CSF2RA: variants seen among roughly 807,000 people sequenced by gnomAD.
The protein encoded by CSF2RA is granulocyte-macrophage colony-stimulating factor receptor subunit alpha.
In CSF2RA, 42 loss-of-function variants were observed where a neutral mutation model predicts 51.6. The ratio of observed to expected loss-of-function variants is 0.81; its 90% confidence interval spans 0.64 to 1.05. The LOEUF is 1.05. Among genes scored for constraint, CSF2RA ranks in the 50% least tolerant of loss-of-function variants. The probability of loss-of-function intolerance (pLI) is 0.00; values close to 1 mark genes in which losing one functional copy is unlikely to be tolerated. For synonymous variants in CSF2RA, 222 were observed against 193.0 expected (o/e 1.15, Z -1.24); for missense variants, 530 against 501.1 (o/e 1.06, Z -0.55).
intron 12 of CSF2RA, among the ~76,000 whole-genome samples, chrX:1,309,080 T>A (rs28550599): frequency 3.3e-5 from 5 of 151,938 alleles, no homozygotes; most frequent in African/African-American, 4.8e-5. Context: ...AGTACAAAAT[T>A]TAGCTGGTGG....
intron 12 of CSF2RA, among the ~76,000 whole-genome samples, chrX:1,306,970 G>C (rs1316283519): frequency 6.6e-6 from 1 of 151,690 alleles, no homozygotes; most frequent in African/African-American, 2.4e-5. Flanking sequence ...GACACACAGA[G>C]ACACCGAGAG....
intron 1 of CSF2RA, among the ~76,000 whole-genome samples, chrX:1,270,048 G>A (rs2088172261): frequency 6.6e-6 from 1 of 151,934 alleles, no homozygotes; most frequent in South Asian, 2.1e-4. Context: ...GGCGGAGGTT[G>A]CAGTGAGCCC....
chrX:1,323,151 T>TTA, the CSF2RA span, among the ~76,000 whole-genome samples: 1 of 55,034 alleles, frequency 1.8e-5, no homozygotes, highest in Non-Finnish European at 6.0e-5. Flanking sequence ...ATACAATACA[T>TTA]TACAATTATA....
chrX:1,304,496 G>C (rs1313396234), intron 11 of CSF2RA, among the ~76,000 whole-genome samples: 2 of 151,294 alleles, frequency 1.3e-5, no homozygotes, highest in Non-Finnish European at 2.9e-5. Flanking sequence ...AGCCCCTCGG[G>C]CACAGGGATG....
the CSF2RA span, among the ~76,000 whole-genome samples, chrX:1,321,089 C>A: frequency 2.0e-5 from 3 of 152,006 alleles, no homozygotes; most frequent in Admixed American, 6.6e-5. Context: ...GGTGACCCAC[C>A]CTCCTCGGCC....
chrX:1,324,052 G>T, the CSF2RA span, among the ~76,000 whole-genome samples: 1 of 151,900 alleles, frequency 6.6e-6, no homozygotes, highest in Non-Finnish European at 1.5e-5. Context: ...GGACATGGTA[G>T]CATGTTCCTG....
chrX:1,315,945 A>G, the CSF2RA span, among the ~76,000 whole-genome samples: 3 of 116,052 alleles, frequency 2.6e-5, no homozygotes, highest in Non-Finnish European at 5.7e-5. Context: ...TAGATAATAA[A>G]TGATAGATGA....
At chrX:1,286,437 C>T (rs2090667102) in intron 4 of CSF2RA, among the ~76,000 whole-genome samples, 2 of 149,498 alleles carry the variant, frequency 1.3e-5, no homozygotes, top group Non-Finnish European at 3.0e-5. Flanking sequence ...GGCATGGTGG[C>T]AGGCATCTGT....
At chrX:1,271,912 C>T (rs777645689) in intron 1 of CSF2RA, among the ~76,000 whole-genome samples, 1 of 151,920 alleles carries the variant, frequency 6.6e-6, no homozygotes, top group Admixed American at 6.6e-5. Flanking sequence ...AGATGACAGA[C>T]ATGAGGCAGA....
At chrX:1,295,227 G>T (rs771710215) in intron 8 of CSF2RA, among the ~76,000 whole-genome samples, 200 bp from the exon 9 acceptor site, 1 of 137,804 alleles carries the variant, frequency 7.3e-6, no homozygotes, top group South Asian at 2.3e-4. Flanking sequence ...AAGATATCTG[G>T]CCAGGAAGAC....
the CSF2RA span, among the ~76,000 whole-genome samples, chrX:1,316,255 A>G: frequency 2.2e-5 from 3 of 137,776 alleles, no homozygotes; most frequent in African/African-American, 8.2e-5. Context: ...GATAGATTAG[A>G]TAGATGATAG....
chrX:1,319,572 G>A, the CSF2RA span, among the ~76,000 whole-genome samples: 1 of 150,196 alleles, frequency 6.7e-6, no homozygotes, highest in South Asian at 2.2e-4. Flanking sequence ...ACAGGCATGA[G>A]CCACCATGCC....
intron 6 of CSF2RA, among the ~76,000 whole-genome samples, chrX:1,289,431 T>C (rs771162453): frequency 5.6e-4 from 85 of 152,196 alleles, no homozygotes; most frequent in Non-Finnish European, 8.2e-4. Context: ...ACCTGGCCTG[T>C]TTTTTTGGTT....
At chrX:1,275,537 A>C (rs1431977959) in intron 2 of CSF2RA, among the ~76,000 whole-genome samples, 1 of 151,666 alleles carries the variant, frequency 6.6e-6, no homozygotes, top group East Asian at 1.9e-4. Context: ...TTGTTTGTTT[A>C]CTTATTTTAC....
chrX:1,322,375 G>C, the CSF2RA span, among the ~76,000 whole-genome samples: 8 of 149,804 alleles, frequency 5.3e-5, no homozygotes, highest in Non-Finnish European at 1.2e-4. Flanking sequence ...GCCTCCCAAA[G>C]TGCTGGGATT....
intron 10 of CSF2RA, chrX:1,303,306 G>A (rs112635013): frequency 4.6e-6 from 2 of 434,242 alleles, no homozygotes; most frequent in Non-Finnish European, 8.2e-6. Flanking sequence ...CACAATCTCG[G>A]CTCACTGCAA....
chrX:1,316,051 G>C, the CSF2RA span, among the ~76,000 whole-genome samples: 4 of 149,460 alleles, frequency 2.7e-5, no homozygotes, highest in Non-Finnish European at 4.4e-5. Flanking sequence ...TAGACAGATA[G>C]ATAGATCAAT....
At chrX:1,322,296 T>C in the CSF2RA span, among the ~76,000 whole-genome samples, 4 of 149,880 alleles carry the variant, frequency 2.7e-5, no homozygotes, top group South Asian at 8.5e-4. Flanking sequence ...GTATTTTTAG[T>C]AGAGACGGAC....
intron 2 of CSF2RA, chrX:1,282,252 G>A (rs1160086697): frequency 2.6e-5 from 5 of 192,226 alleles, no homozygotes; most frequent in African/African-American, 1.2e-4. Flanking sequence ...CAAAAGTTAT[G>A]AAAATGAAAA....
Sources: allele counts gnomAD v4.1 joint callset (sites outside exome capture counted in the v4.1 genomes callset), GRCh38; gene constraint gnomAD v4.1.1; transcripts MANE v1.5; gene names NCBI Gene and HGNC (gene_info 2026-07-23, HGNC 2026-07-21).